The following DOCK1 variants were observed in gnomAD, a reference collection of about 807,000 sequenced individuals.
The protein encoded by DOCK1 is dedicator of cytokinesis 1, also known as dedicator of cytokinesis protein 1.
In DOCK1, 138 loss-of-function variants were observed where a neutral mutation model predicts 262.7. The observed-to-expected ratio is 0.53, with a 90% confidence interval of 0.46 to 0.61. DOCK1 has a LOEUF of 0.61. Among genes scored for constraint, DOCK1 ranks in the 20% least tolerant of loss-of-function variants. DOCK1 has a pLI of 0.00. For missense variants in DOCK1, 1,908 were observed against 2,370.7 expected (o/e 0.80, Z 4.05); for synonymous variants, 866 against 867.4 (o/e 1.00, Z 0.03).
At chr10:127,286,915 G>C (rs528345672) in intron 29 of DOCK1, among the ~76,000 whole-genome samples, 1 of 145,716 alleles carries the variant, frequency 6.9e-6, no homozygotes, top group East Asian at 2.0e-4. Context: ...TTGCTCTGTC[G>C]CCCAGGCTGG....
intron 35 of DOCK1, among the ~76,000 whole-genome samples, chr10:127,378,247 A>G (rs1014807171): frequency 6.6e-6 from 1 of 152,206 alleles, no homozygotes; most frequent in African/African-American, 2.4e-5. Flanking sequence ...TATTTTTAAA[A>G]TCTTGGTATC....
In DOCK1 at chr10:127,221,052, G is replaced by A. The variant is rs144408881; in HGVS notation, c.2848-26956G>A. Reference sequence around the variant, plus strand: ...TGTTTGCAAACCTGTTGGTACCATTGGTCCATGTTTAGCTTTGTTTAATAT... The same window carrying A: ...TGTTTGCAAACCTGTTGGTACCATTAGTCCATGTTTAGCTTTGTTTAATAT... On this transcript the variant is annotated intron_variant, in intron 27 of 51. Coordinates refer to ENST00000623213, the MANE Select transcript of DOCK1 (RefSeq NM_001290223.2). 1.8e-4 allele frequency among the ~76,000 whole-genome samples: 28 copies of A among 152,210 alleles called. No homozygotes were observed. The East Asian group carries it at 5.0e-3, about 27-fold the overall frequency.
intron 26 of DOCK1, 74 bp downstream of exon 26, chr10:127,125,675 T>G: frequency 1.3e-6 from 2 of 1,555,712 alleles, no homozygotes; most frequent in Non-Finnish European, 1.7e-6. Context: ...ACAACTTTAT[T>G]CAGTTAAAAA....
intron 1 of DOCK1, among the ~76,000 whole-genome samples, chr10:126,947,176 C>T (rs1430673459): frequency 7.9e-5 from 12 of 152,150 alleles, no homozygotes; most frequent in African/African-American, 2.9e-4. Context: ...CATGGTGTTT[C>T]TGGTCTTTCT....
chr10:127,276,911 C>T (rs188501935), intron 29 of DOCK1, among the ~76,000 whole-genome samples: 149 of 152,182 alleles, frequency 9.8e-4, no homozygotes, highest in African/African-American at 3.4e-3. Context: ...GATGAATGTC[C>T]CTGGTGCCAG....
chr10:127,408,516 A>G (rs1022845322), intron 40 of DOCK1, among the ~76,000 whole-genome samples: 3 of 152,222 alleles, frequency 2.0e-5, no homozygotes, highest in African/African-American at 7.2e-5. Flanking sequence ...TGTGTCTCAC[A>G]GGAGTCAGCG....
At chr10:127,124,957 A>AC (rs1255855994) in intron 25 of DOCK1, among the ~76,000 whole-genome samples, 2 of 149,390 alleles carry the variant, frequency 1.3e-5, no homozygotes, top group African/African-American at 4.9e-5. Context: ...ACTAAAAATA[A>AC]AAAAAAAAAA....
At chr10:127,110,099 A>G (rs2048774523) in intron 24 of DOCK1, 149 bp from the exon 25 acceptor site, 1 of 631,042 alleles carries the variant, frequency 1.6e-6, no homozygotes, top group African/African-American at 1.8e-5. Flanking sequence ...TCTTGGAATG[A>G]GTTATTGACC....
chr10:127,093,410 G>A (rs774385718), intron 23 of DOCK1, among the ~76,000 whole-genome samples: 13 of 150,912 alleles, frequency 8.6e-5, no homozygotes, highest in Non-Finnish European at 1.5e-4. Context: ...GGAGTGCAGT[G>A]GCATGATCTC....
chr10:127,184,111 A>G (rs1382000559), intron 27 of DOCK1, among the ~76,000 whole-genome samples: 4 of 152,142 alleles, frequency 2.6e-5, no homozygotes, highest in Non-Finnish European at 2.9e-5. Context: ...CTGAGACCCA[A>G]GGGTGGCCTG....
At chr10:127,125,638 GC>G in intron 26 of DOCK1, 37 bp downstream of exon 26, 2 of 1,596,520 alleles carry the variant, frequency 1.3e-6, no homozygotes, top group African/African-American at 2.7e-5. Flanking sequence ...CCTGCCATTT[GC>G]CTGAACCTGC....
At chr10:127,329,333 G>A (rs1389381103) in intron 29 of DOCK1, among the ~76,000 whole-genome samples, 2 of 152,202 alleles carry the variant, frequency 1.3e-5, no homozygotes, top group South Asian at 2.1e-4. Context: ...ACAACAGGAG[G>A]AGCCTGGGAG....
rs143795015 is a variant in DOCK1, at chr10:127,052,906, C to G, written c.2336+91C>G. ...CTTCCCCTTCTCTCGTCCCCTTATT[C>G]TTTCCTTTCTTCTTCCCCCTTTTTC... On this transcript the variant is annotated intron_variant, in intron 22 of 51. Transcript: ENST00000623213. 7,584 of 1,507,490 alleles carry G rather than the reference C, an allele frequency of 5.0e-3. 28 individuals carry two copies. The highest frequency in any genetic ancestry group is 0.013 in the African/African-American group (953 of 71,716). The allele number at this position is 1,507,490 out of a possible 1,614,324, so 93.4% of individuals were successfully genotyped here. A position where few individuals can be genotyped will look rare whatever the true frequency, so the allele number is the denominator to read the frequency against.
intron 29 of DOCK1, among the ~76,000 whole-genome samples, chr10:127,324,254 G>C (rs1317589927): frequency 6.6e-6 from 1 of 152,240 alleles, no homozygotes. Flanking sequence ...TTGACAATCA[G>C]CACCAGCCAC....
intron 27 of DOCK1, among the ~76,000 whole-genome samples, chr10:127,247,465 T>C (rs899181346): frequency 6.6e-6 from 1 of 152,154 alleles, no homozygotes; most frequent in Non-Finnish European, 1.5e-5. Context: ...TTCTTTGCCA[T>C]GGCCCAAGAG....
chr10:127,329,441 C>T (rs573637263), intron 29 of DOCK1, among the ~76,000 whole-genome samples: 4 of 147,084 alleles, frequency 2.7e-5, no homozygotes, highest in African/African-American at 1.0e-4. Flanking sequence ...CTCTGGGGTG[C>T]TGTGGTGGGG....
chr10:127,431,680 C>A (rs1359668392), intron 47 of DOCK1, among the ~76,000 whole-genome samples: 1 of 152,214 alleles, frequency 6.6e-6, no homozygotes, highest in African/African-American at 2.4e-5. Context: ...AAACTGTGGC[C>A]CCTGGCGTGG....
chr10:127,334,052 G>A (rs887407318), intron 29 of DOCK1, among the ~76,000 whole-genome samples: 1 of 152,110 alleles, frequency 6.6e-6, no homozygotes, highest in Admixed American at 6.5e-5. Flanking sequence ...AAATTCTATT[G>A]TAAATTGACA....
intron 27 of DOCK1, among the ~76,000 whole-genome samples, chr10:127,177,752 C>G (rs933023958): frequency 2.6e-5 from 4 of 152,262 alleles, no homozygotes; most frequent in Non-Finnish European, 5.9e-5. Flanking sequence ...CTATGACATG[C>G]GCAGCATGGC....
Sources: allele counts gnomAD v4.1 joint callset (sites outside exome capture counted in the v4.1 genomes callset), GRCh38; gene constraint gnomAD v4.1.1; transcripts MANE v1.5; gene names NCBI Gene and HGNC (gene_info 2026-07-23, HGNC 2026-07-21).